The following DPP10 variants were observed in gnomAD, a reference collection of about 807,000 sequenced individuals.
DPP10 encodes the protein dipeptidyl peptidase like 10, also known as inactive dipeptidyl peptidase 10.
A neutral mutation model predicts 120.9 loss-of-function variants in DPP10; 33 were observed. The ratio of observed to expected loss-of-function variants is 0.27; its 90% CI spans 0.21 to 0.37. The LOEUF (loss-of-function observed/expected upper bound fraction) is 0.37. DPP10 is among the 10% of genes least tolerant of loss of function. The probability of loss-of-function intolerance (pLI) is 1.00; values close to 1 mark genes in which losing one functional copy is unlikely to be tolerated. For synonymous variants in DPP10, 337 were observed against 326.1 expected, an observed-to-expected ratio of 1.03 and a Z score of -0.36; for missense variants, 816 against 942.8, an observed-to-expected ratio of 0.87 and a Z score of 1.76.
intron 1 of DPP10, among the ~76,000 whole-genome samples, chr2:114,678,043 T>C (rs904967027): frequency 6.6e-6 from 1 of 152,168 alleles, no homozygotes. Flanking sequence ...AATTAGGTTA[T>C]ATTGATTAGG....
chr2:114,759,340 T>A (rs1680073837), intron 1 of DPP10, among the ~76,000 whole-genome samples: 1 of 152,206 alleles, frequency 6.6e-6, no homozygotes, highest in African/African-American at 2.4e-5. Flanking sequence ...TCAGTTGGCA[T>A]CATTCATACG....
At chr2:115,200,527 T>G (rs1398248776) in intron 1 of DPP10, among the ~76,000 whole-genome samples, 1 of 152,234 alleles carries the variant, frequency 6.6e-6, no homozygotes, top group Non-Finnish European at 1.5e-5. Context: ...TTGGTGGAAA[T>G]GACTATTCAT....
intron 21 of DPP10, among the ~76,000 whole-genome samples, chr2:115,819,982 G>A (rs933381102): frequency 6.6e-6 from 1 of 152,180 alleles, no homozygotes; most frequent in Non-Finnish European, 1.5e-5. Context: ...CAACAAGAGC[G>A]AAACTCTGTC....
At chr2:115,248,541 C>T (rs1256669711) in intron 1 of DPP10, among the ~76,000 whole-genome samples, 1 of 151,948 alleles carries the variant, frequency 6.6e-6, no homozygotes, top group Admixed American at 6.6e-5. Context: ...TTAGTTATTA[C>T]AGAGGGAATT....
At chr2:115,490,631 C>T (rs2105343056) in intron 3 of DPP10, among the ~76,000 whole-genome samples, 1 of 152,252 alleles carries the variant, frequency 6.6e-6, no homozygotes, top group Non-Finnish European at 1.5e-5. Context: ...GAATAAACCT[C>T]TTTAAAGTAT....
At chr2:114,540,283 G>T (rs1376504183) in intron 1 of DPP10, among the ~76,000 whole-genome samples, 3 of 152,186 alleles carry the variant, frequency 2.0e-5, no homozygotes, top group Non-Finnish European at 1.5e-5. Context: ...AAGGACAATG[G>T]CATGGAATAT....
intron 1 of DPP10, among the ~76,000 whole-genome samples, chr2:115,247,152 T>C (rs570805319): frequency 2.0e-5 from 3 of 152,082 alleles, no homozygotes; most frequent in Non-Finnish European, 4.4e-5. Flanking sequence ...TGTTGATAGA[T>C]GGTAATGCTA....
chr2:115,246,237 T>C (rs1327279414), intron 1 of DPP10, among the ~76,000 whole-genome samples: 2 of 152,120 alleles, frequency 1.3e-5, no homozygotes. Context: ...TTATCAAACC[T>C]TCACTACGTT....
At chr2:114,822,026 A>G (rs1686131479) in intron 1 of DPP10, among the ~76,000 whole-genome samples, 1 of 152,160 alleles carries the variant, frequency 6.6e-6, no homozygotes, top group Admixed American at 6.5e-5. Context: ...CTCTTCTCAC[A>G]GCTCTACTAG....
chr2:115,778,593 T>C (rs1682398833), intron 15 of DPP10, among the ~76,000 whole-genome samples: 1 of 152,086 alleles, frequency 6.6e-6, no homozygotes, highest in African/African-American at 2.4e-5. Context: ...AGATCCATTT[T>C]TAAAGTGTCA....
intron 1 of DPP10, among the ~76,000 whole-genome samples, chr2:114,657,248 T>C (rs1313278234): frequency 1.3e-5 from 2 of 152,222 alleles, no homozygotes; most frequent in African/African-American, 4.8e-5. Context: ...GTTCTTTCTT[T>C]TTCTCCTGTA....
intron 1 of DPP10, chr2:115,161,838 C>A: frequency 2.9e-6 from 3 of 1,032,924 alleles, no homozygotes; most frequent in Non-Finnish European, 1.3e-6. Context: ...TCCCCCCACC[C>A]CGTCCCTTCC....
At chr2:114,470,529 G>A (rs1679820581) in intron 1 of DPP10, among the ~76,000 whole-genome samples, 1 of 152,172 alleles carries the variant, frequency 6.6e-6, no homozygotes, top group Non-Finnish European at 1.5e-5. Flanking sequence ...CCTGGCTACA[G>A]GGATATTTCT....
At chr2:114,497,286 T>TACATGTACATATACATAC (rs1682685039) in intron 1 of DPP10, among the ~76,000 whole-genome samples, 1 of 135,378 alleles carries the variant, frequency 7.4e-6, no homozygotes, top group East Asian at 2.1e-4. Context: ...TATACGTGTA[T>TACATGTACATATACATAC]ACATGTACAT....
At chr2:115,017,135 C>T (rs1192428930) in intron 1 of DPP10, among the ~76,000 whole-genome samples, 1 of 150,776 alleles carries the variant, frequency 6.6e-6, no homozygotes, top group African/African-American at 2.4e-5. Context: ...TGCAGCACAC[C>T]AGCATGGCAC....
chr2:114,667,153 A>G (rs1697987542), intron 1 of DPP10, among the ~76,000 whole-genome samples: 2 of 152,190 alleles, frequency 1.3e-5, no homozygotes, highest in Admixed American at 6.5e-5. Context: ...CCTCAATTGG[A>G]CTACCCATGC....
intron 1 of DPP10, among the ~76,000 whole-genome samples, chr2:114,489,881 C>T (rs764388272): frequency 6.6e-6 from 1 of 152,302 alleles, no homozygotes; most frequent in South Asian, 2.1e-4. Context: ...TTTGTTAACC[C>T]ATCAGAGAGT....
intron 1 of DPP10, among the ~76,000 whole-genome samples, chr2:114,726,369 A>C (rs1330214131): frequency 6.6e-6 from 1 of 152,214 alleles, no homozygotes; most frequent in Non-Finnish European, 1.5e-5. Context: ...AATAGCAATG[A>C]GGAATGGTTC....
chr2:115,292,022 T>G (rs2060678592), intron 1 of DPP10, among the ~76,000 whole-genome samples: 1 of 152,172 alleles, frequency 6.6e-6, no homozygotes, highest in Admixed American at 6.5e-5. Context: ...CTAATAGAAC[T>G]TTCTTAAAAT....
Sources: gnomAD v4.1 joint callset for allele counts (sites outside exome capture counted in the v4.1 genomes callset) on GRCh38, gnomAD v4.1.1 for gene constraint, MANE v1.5 for transcripts, NCBI Gene and HGNC (gene_info 2026-07-23, HGNC 2026-07-21) for gene names.